The following FIBP variants were observed in gnomAD, a reference collection of about 807,000 sequenced individuals.
The protein encoded by FIBP is FGF1 intracellular binding protein, also known as acidic fibroblast growth factor intracellular-binding protein.
In FIBP, 29 loss-of-function variants were observed where a neutral mutation model predicts 40.5. That is an observed-to-expected ratio of 0.72 (90% confidence interval 0.53 to 0.98). FIBP has a LOEUF of 0.98. FIBP is among the 50% of genes least tolerant of loss of function. The pLI, the probability that FIBP is intolerant of heterozygous loss-of-function variation, is 0.00. For missense variants in FIBP, 411 were observed against 470.2 expected, an observed-to-expected ratio of 0.87 and a Z score of 1.16; for synonymous variants, 215 against 191.1, an observed-to-expected ratio of 1.13 and a Z score of -1.03.
Position 65,883,918 on chromosome 11 carries a change from GTC to G in FIBP, c.*54_*55del, listed in dbSNP as rs1664366911. On this transcript the variant is annotated 3_prime_UTR_variant, in exon 10 of 10. Transcript: ENST00000357519. Reference sequence around the variant, plus strand: ...CACTTGCTCCCCGGAGCGAGGACCAGTCTCCAAACTCAGAGCAACTTTATTGT... The same window carrying G: ...CACTTGCTCCCCGGAGCGAGGACCAGTCCAAACTCAGAGCAACTTTATTGT... 1 of 1,514,004 alleles carries G rather than the reference GTC, an allele frequency of 6.6e-7. No individual in the cohort carries two copies. 93.8% of individuals were successfully genotyped at this position (1,514,004 alleles called of 1,614,324 possible).
chr11:65,883,791 C>A lies in FIBP; in HGVS notation c.*183G>T. 1.4e-6 allele frequency: 1 copy of A among 736,908 alleles called. No homozygotes were observed. The highest frequency in any genetic ancestry group is 1.7e-5 in the South Asian group (1 of 58,150). 45.6% of individuals were successfully genotyped at this position (736,908 alleles called of 1,614,324 possible). ...GATGGGCTGAGCACAGACACCATTC[C>A]CTGAGATATGTCTCAGTTCCCAAGG... is the stretch of plus-strand genomic sequence containing the variant. On this transcript the variant is annotated 3_prime_UTR_variant, in exon 10 of 10. Coordinates refer to ENST00000357519, the MANE Select transcript of FIBP (RefSeq NM_004214.5).
In FIBP at chr11:65,888,427, C is replaced by G. The variant is rs768741077; in HGVS notation, c.-9G>C. On this transcript the variant is annotated 5_prime_UTR_variant, in exon 1 of 10. Transcript: ENST00000357519. The stretch of plus-strand genomic sequence containing the variant: ...TCCAGCTCACTGGTCATGGCGACGC[C>G]CGGGGCCGCAGCGCCCCGAGCAGGA... The G allele has an allele frequency of 2.6e-6, 4 of 1,559,530 alleles. No individual in the cohort carries two copies. Among genetic ancestry groups the G allele is most frequent in the Non-Finnish European group, 2.6e-6 (3 of 1,151,468 alleles).
intron 3 of FIBP, chr11:65,887,285 A>T (rs778334013): frequency 3.3e-5 from 13 of 388,522 alleles, no homozygotes; most frequent in Non-Finnish European, 6.4e-5. Context: ...GTCTCTACTA[A>T]CAATACAAAA....
chr11:65,887,989 G>A lies in FIBP; in HGVS notation c.229C>T (p.Leu77=), dbSNP rs1281999664. Residue 77 remains leucine, a synonymous_variant, in exon 2 of 10, where the codon CTG becomes TTG. Coordinates refer to ENST00000357519, the MANE Select transcript of FIBP (RefSeq NM_004214.5). ...GGAATCTGGAAGATGAGCTGGTGCA[G>A]TAGCTTGGGCGGCGCATGCAGCAGC... ...ERLLHAPPKL[L]HQLIFQIPPS... is the part of the protein sequence containing the mutation. 1.2e-5 allele frequency: 19 copies of A among 1,613,596 alleles called. No homozygotes were observed. Among genetic ancestry groups the A allele is most frequent in the Non-Finnish European group, 1.5e-5 (18 of 1,179,942 alleles).
rs1355066577 is a variant in FIBP, at chr11:65,888,022, G to A, written c.196C>T (p.Leu66Phe). 4 of 1,613,026 alleles carry A rather than the reference G, an allele frequency of 2.5e-6. No homozygotes were observed. The highest frequency in any genetic ancestry group is 4.5e-5 in the East Asian group (2 of 44,856). Reference protein sequence around the residue: ...TMDHYRTFHMLERLLHAPPKL... With the variant: ...TMDHYRTFHMFERLLHAPPKL... Reference sequence around the variant, plus strand: ...GGCGGCGCATGCAGCAGCCGCTCGAGCATGTGGAAGGTGCGGTAATGGTCC... The same window carrying A: ...GGCGGCGCATGCAGCAGCCGCTCGAACATGTGGAAGGTGCGGTAATGGTCC... The change falls in exon 2 of 10, where the codon CTC becomes TTC. Residue 66 changes from leucine to phenylalanine, a missense_variant. Transcript: ENST00000357519.
Position 65,883,837 on chromosome 11 carries a change from C to A in FIBP, c.*137G>T, listed in dbSNP as rs1353433998. ...CAAGGAGCCACTGTACACATCCATC[C>A]TTGTACACGGACACCAGGTGCTCAG... On this transcript the variant is annotated 3_prime_UTR_variant, in exon 10 of 10. Transcript: ENST00000357519. The A allele has an allele frequency of 1.2e-6, 1 of 805,778 alleles. No homozygotes were observed. The highest frequency in any genetic ancestry group is 2.0e-6 in the Non-Finnish European group (1 of 497,106). 49.9% of individuals were successfully genotyped at this position (805,778 alleles called of 1,614,324 possible). A position where few individuals can be genotyped will look rare whatever the true frequency, so the allele number is the denominator to read the frequency against.
At chr11:65,886,209 A>G in intron 4 of FIBP, 113 bp downstream of exon 4, 7 of 602,228 alleles carry the variant, frequency 1.2e-5, no homozygotes, top group South Asian at 2.0e-5. Flanking sequence ...CAAAAGTGGG[A>G]TAATCATTCC....
chr11:65,888,127 C>G lies in FIBP; in HGVS notation c.91G>C (p.Asp31His), dbSNP rs1338301307. 5.1e-6 allele frequency: 8 copies of G among 1,567,894 alleles called. No individual in the cohort carries two copies. The highest frequency in any genetic ancestry group is 6.9e-6 in the Non-Finnish European group (8 of 1,159,988). ...RLWLDGYSVT[D>H]AVALRVRSGI... ...GAGCGCACCCGCAGGGCCACCGCGT[C>G]GGTCACTGGAAAGCGGACGCTAGCA... The change falls in exon 2 of 10, where the codon GAC (aspartate) becomes CAC (histidine). Residue 31 changes from aspartate to histidine, a missense_variant. By Grantham distance (81) the Asp-to-His change is moderately conservative. Coordinates refer to ENST00000357519, the MANE Select transcript of FIBP (RefSeq NM_004214.5).
chr11:65,885,127 CCTT>C lies in FIBP; in HGVS notation c.703_705del (p.Lys235del). On this transcript the variant is annotated inframe_deletion, in exon 6 of 10. Transcript: ENST00000357519. The stretch of plus-strand genomic sequence containing the variant: ...TTGTCAGCCACTAGCACCTTGAGCT[CCTT>C]CAAGTCCTGGAGAAATTCCTTGTCT... The C allele has an allele frequency of 6.2e-7, 1 of 1,613,108 alleles. No individual in the cohort carries two copies. The highest frequency in any genetic ancestry group is 1.1e-5 in the South Asian group (1 of 91,058).
At chr11:65,886,883 CTT>C (rs34075458) in intron 3 of FIBP, 1,837 of 169,276 alleles carry the variant, frequency 0.011, 20 homozygotes, top group South Asian at 0.034. Context: ...CATCTCACCT[CTT>C]GTCTTGGATT....
chr11:65,885,044 G>A (rs761375102), intron 6 of FIBP, 34 bp downstream of exon 6: 3 of 1,612,610 alleles, frequency 1.9e-6, no homozygotes, highest in Non-Finnish European at 2.5e-6. Flanking sequence ...GGCCCCTACT[G>A]CAGGCCCCGC....
At chr11:65,887,315 G>A (rs953314033) in intron 3 of FIBP, 6 of 439,106 alleles carry the variant, frequency 1.4e-5, no homozygotes, top group Non-Finnish European at 2.5e-5. Context: ...GTGTGGGAGC[G>A]GGCGCCTGTA....
intron 4 of FIBP, chr11:65,885,876 A>G (rs531512211): frequency 1.8e-6 from 1 of 557,852 alleles, no homozygotes; most frequent in South Asian, 2.4e-5. Context: ...GTGGGAGACC[A>G]TAAGGGTAAC....
intron 3 of FIBP, chr11:65,886,635 G>A (rs1335096928): frequency 2.0e-6 from 1 of 510,596 alleles, no homozygotes; most frequent in Non-Finnish European, 3.5e-6. Flanking sequence ...ATCTTGCCTT[G>A]GATAAATGTT....
At chr11:65,885,269 T>C (rs1428990885) in intron 5 of FIBP, 83 bp from the exon 6 acceptor site, 26 of 1,173,284 alleles carry the variant, frequency 2.2e-5, no homozygotes, top group Non-Finnish European at 3.3e-5. Flanking sequence ...CACCACCTTA[T>C]TTCCCCCCTG....
intron 3 of FIBP, 59 bp from the exon 4 acceptor site, chr11:65,886,481 C>A: frequency 9.2e-7 from 1 of 1,091,322 alleles, no homozygotes; most frequent in Middle Eastern, 2.0e-4. Flanking sequence ...TGTCGCTCAC[C>A]CAATAAACCA....
chr11:65,887,552 GAGTGA>G (rs923021709), intron 3 of FIBP, 43 bp downstream of exon 3: 1 of 1,607,344 alleles, frequency 6.2e-7, no homozygotes, highest in African/African-American at 1.3e-5. Flanking sequence ...CAAAGGGAGG[GAGTGA>G]AGTGTAGATG....
At position 65,887,688 on chromosome 11, in the gene FIBP, A is replaced by G. The variant is rs1370016048; in HGVS notation, c.323T>C (p.Leu108Pro). Residue 108 changes from leucine (L) to proline (P), a missense_variant, in exon 3 of 10, where the codon CTG becomes CCG. Leu to Pro is a moderately conservative substitution (Grantham distance 98). Coordinates refer to ENST00000357519, the MANE Select transcript of FIBP (RefSeq NM_004214.5). ...GGTGCCTTTGGACAGCTTCTTGCCC[A>G]GCACCTCCCGAACAAAGGCCTCATC... ...AFDEAFVREV[L>P]GKKLSKGTKK... is the part of the protein sequence containing the mutation. 2 of 1,614,054 alleles carry G rather than the reference A, an allele frequency of 1.2e-6. No homozygotes were observed. The highest frequency in any genetic ancestry group is 1.7e-6 in the Non-Finnish European group (2 of 1,180,036).
rs773468043 is a variant in FIBP at position 65,885,073 on chromosome 11, GT to G, written c.755+4del. ...GCCCCGCCCCATGGGCCCCTACAAG[GT>G]CACCTCTTGTGCAGGTCCAGAAGGT... On this transcript the variant is annotated splice_donor_region_variant and intron_variant, in intron 6 of 9. Transcript: ENST00000357519. The G allele has an allele frequency of 4.3e-6, 7 of 1,613,278 alleles. No individual in the cohort carries two copies. In the African/African-American group the frequency reaches 9.3e-5, roughly 22 times the overall value.
Sources: allele counts gnomAD v4.1 joint callset, GRCh38; gene constraint gnomAD v4.1.1; transcripts MANE v1.5; gene names NCBI Gene and HGNC (gene_info 2026-07-23, HGNC 2026-07-21).